Variants in GLIS3 observed in about 807,000 individuals in gnomAD.
The protein encoded by GLIS3 is GLIS family zinc finger 3.
In GLIS3, 53 loss-of-function variants were observed where a neutral mutation model predicts 78.6. That is an observed-to-expected ratio of 0.67 (90% confidence interval 0.54 to 0.85). The LOEUF is 0.85. Ranked by LOEUF, GLIS3 falls within the 40% of genes least tolerant of loss-of-function variation. GLIS3 has a pLI of 0.00. For synonymous variants in GLIS3, 684 were observed against 509.9 expected (o/e 1.34, Z -4.60); for missense variants, 1,703 against 1,231.1 (o/e 1.38, Z -5.74).
chr9:4,024,608 T>C (rs979548555), intron 4 of GLIS3, among the ~76,000 whole-genome samples: 4 of 152,280 alleles, frequency 2.6e-5, no homozygotes, highest in African/African-American at 7.2e-5. Context: ...GATAGATAGG[T>C]TGCCTCGCAT....
chr9:4,394,086 A>AAG, the GLIS3 span, among the ~76,000 whole-genome samples: 1 of 151,474 alleles, frequency 6.6e-6, no homozygotes, highest in Admixed American at 6.6e-5. Flanking sequence ...CTCTTAAAAA[A>AAG]AAGAAAAAGA....
intron 2 of GLIS3, among the ~76,000 whole-genome samples, chr9:4,261,791 T>C (rs1034316090): frequency 1.6e-4 from 24 of 152,190 alleles, no homozygotes; most frequent in Admixed American, 1.4e-3. Context: ...CACAAACCCA[T>C]GAAAATAGGT....
At chr9:4,402,100 G>A in the GLIS3 span, among the ~76,000 whole-genome samples, 1 of 152,200 alleles carries the variant, frequency 6.6e-6, no homozygotes, top group Non-Finnish European at 1.5e-5. Flanking sequence ...GCAAGACCCA[G>A]TACTATGTTG....
chr9:4,013,301 C>G (rs540590185), intron 4 of GLIS3, among the ~76,000 whole-genome samples: 1 of 152,278 alleles, frequency 6.6e-6, no homozygotes, highest in Non-Finnish European at 1.5e-5. Context: ...AGCTTAAATA[C>G]TGCTTCCATA....
intron 6 of GLIS3, among the ~76,000 whole-genome samples, chr9:3,899,711 T>C (rs1455833097): frequency 6.6e-6 from 1 of 152,218 alleles, no homozygotes; most frequent in Non-Finnish European, 1.5e-5. Flanking sequence ...CCTTTAGATA[T>C]AGAGCTAGAG....
At chr9:3,969,811 G>C (rs1460159011) in intron 4 of GLIS3, among the ~76,000 whole-genome samples, 1 of 152,172 alleles carries the variant, frequency 6.6e-6, no homozygotes, top group Non-Finnish European at 1.5e-5. Flanking sequence ...AGGAAAGCTA[G>C]GCAATCCAGC....
chr9:4,481,125 G>A, the GLIS3 span, among the ~76,000 whole-genome samples: 17 of 152,086 alleles, frequency 1.1e-4, no homozygotes, highest in Non-Finnish European at 1.9e-4. Context: ...CAAAGTGCTG[G>A]GATTACAGGC....
chr9:4,118,276 C>CCGTGCTCCAGCTGTTGCATGCGCT lies in GLIS3; in HGVS notation c.1178_1201dup (p.Glu393_His400dup). On this transcript the variant is annotated inframe_insertion, in exon 4 of 11. Transcript: ENST00000381971. The surrounding 1 kb of genome is among the most constrained non-coding windows in gnomAD (Gnocchi z 4.7). ...GTTGACCAGGCCTGGCTGCAGGCCGCCGTGCTCCAGCTGTTGCATGCGCTC... is the reference window on the plus strand; with the variant it reads ...GTTGACCAGGCCTGGCTGCAGGCCGCCGTGCTCCAGCTGTTGCATGCGCTCGTGCTCCAGCTGTTGCATGCGCTC... 6.3e-7 allele frequency: 1 copy of CCGTGCTCCAGCTGTTGCATGCGCT among 1,585,332 alleles called. No homozygotes were observed. The highest frequency in any genetic ancestry group is 8.6e-7 in the Non-Finnish European group (1 of 1,166,836).
At chr9:4,448,299 T>A in the GLIS3 span, among the ~76,000 whole-genome samples, 13 of 152,128 alleles carry the variant, frequency 8.5e-5, no homozygotes, top group African/African-American at 2.9e-4. Context: ...TAGAGGCAAA[T>A]CTATTCCCAA....
intron 2 of GLIS3, among the ~76,000 whole-genome samples, chr9:4,190,366 C>T (rs1449569486): frequency 6.6e-6 from 1 of 151,878 alleles, no homozygotes; most frequent in Non-Finnish European, 1.5e-5. Flanking sequence ...AGTCAAGGCT[C>T]GAGAACTACG....
intron 4 of GLIS3, among the ~76,000 whole-genome samples, chr9:4,045,010 C>A (rs531554593): frequency 6.6e-6 from 1 of 152,256 alleles, no homozygotes; most frequent in East Asian, 1.9e-4. Context: ...GCATAAAAAA[C>A]AAGGCAGAGA....
chr9:4,218,794 C>G (rs1821076814), intron 2 of GLIS3, among the ~76,000 whole-genome samples: 1 of 152,186 alleles, frequency 6.6e-6, no homozygotes, highest in Non-Finnish European at 1.5e-5. Context: ...TCACCTTTCT[C>G]CTAGTCTCTC....
intron 2 of GLIS3, among the ~76,000 whole-genome samples, chr9:4,189,523 A>G (rs1045066920): frequency 1.3e-5 from 2 of 151,994 alleles, no homozygotes; most frequent in Non-Finnish European, 2.9e-5. Context: ...CTTGGTGCAG[A>G]GCTGAGTTCA....
In GLIS3 at chr9:4,083,047, T is replaced by A. The variant is rs541239898; in HGVS notation, c.1710+34721A>T. 4.6e-5 allele frequency among the ~76,000 whole-genome samples: 7 copies of A among 152,300 alleles called. No individual in the cohort carries two copies. In the East Asian group the frequency reaches 1.4e-3, roughly 29 times the overall value. ...GAAGTGGTGACATGTTTAAACTGAG[T>A]TATCCACAAACCCTTTTCTCTGTTC... is the stretch of plus-strand genomic sequence containing the variant. On this transcript the variant is annotated intron_variant, in intron 4 of 10. Coordinates refer to ENST00000381971, the MANE Select transcript of GLIS3 (RefSeq NM_001042413.2).
the GLIS3 span, among the ~76,000 whole-genome samples, chr9:4,484,088 A>G: frequency 6.6e-6 from 1 of 152,208 alleles, no homozygotes; most frequent in Non-Finnish European, 1.5e-5. Flanking sequence ...AATAGTATAA[A>G]TATAGTTTAA....
intron 2 of GLIS3, among the ~76,000 whole-genome samples, chr9:4,171,536 G>T (rs1233276802): frequency 6.6e-6 from 1 of 152,146 alleles, no homozygotes; most frequent in East Asian, 1.9e-4. Context: ...TCAAAATTTG[G>T]AATAAGGAAA....
chr9:3,927,333 A>G (rs1051489501), intron 6 of GLIS3, among the ~76,000 whole-genome samples: 1 of 152,228 alleles, frequency 6.6e-6, no homozygotes, highest in Non-Finnish European at 1.5e-5. Context: ...TTAGTTGGCC[A>G]AATAATTTTG....
the GLIS3 span, among the ~76,000 whole-genome samples, chr9:4,427,515 G>C: frequency 6.6e-6 from 1 of 152,108 alleles, no homozygotes; most frequent in Non-Finnish European, 1.5e-5. Context: ...ATAACAACTG[G>C]TCTGCAGGAT....
At chr9:4,409,184 G>A in the GLIS3 span, among the ~76,000 whole-genome samples, 29 of 152,220 alleles carry the variant, frequency 1.9e-4, no homozygotes, top group African/African-American at 6.7e-4. Flanking sequence ...TCCTCTTGGA[G>A]CACTGAGACC....
Sources: gnomAD v4.1 joint callset for allele counts (sites outside exome capture counted in the v4.1 genomes callset) on GRCh38, gnomAD v4.1.1 for gene constraint, Gnocchi (gnomAD v3.1) non-coding constraint, MANE v1.5 for transcripts, NCBI Gene and HGNC (gene_info 2026-07-23, HGNC 2026-07-21) for gene names.